The following SEMA4G variants were observed in gnomAD, a reference collection of about 807,000 sequenced individuals.
The protein encoded by SEMA4G is semaphorin 4G.
In SEMA4G, 59 loss-of-function variants were observed where a neutral mutation model predicts 81.2. That is an observed-to-expected ratio of 0.73 (90% CI 0.59 to 0.90). The LOEUF (loss-of-function observed/expected upper bound fraction) is 0.90, where lower values mean the gene tolerates loss of function less well. Among genes scored for constraint, SEMA4G ranks in the 40% least tolerant of loss-of-function variants. The pLI, the probability that SEMA4G is intolerant of heterozygous loss-of-function variation, is 0.00. For synonymous variants in SEMA4G, 404 were observed against 433.9 expected (o/e 0.93, Z 0.86); for missense variants, 952 against 1,102.3 (o/e 0.86, Z 1.93).
chr10:100,980,072 C>T (rs761696165), intron 9 of SEMA4G, 50 bp from the exon 11 acceptor site: 2 of 1,612,416 alleles, frequency 1.2e-6, no homozygotes, highest in South Asian at 1.1e-5. Context: ...GTGGAGAGGG[C>T]AGGCAGGTGG....
At chr10:100,984,883 C>T, downstream of SEMA4G, 4 of 1,475,798 alleles carry the variant, frequency 2.7e-6, no homozygotes, top group Non-Finnish European at 3.6e-6. Flanking sequence ...TGGTCATTCT[C>T]AAGAGTATGA....
intron 3 of SEMA4G, among the ~76,000 whole-genome samples, chr10:100,976,780 T>C (rs1241360850): frequency 6.6e-6 from 1 of 152,232 alleles, no homozygotes; most frequent in African/African-American, 2.4e-5. Flanking sequence ...AGACTCCCTG[T>C]TTATAACATA....
chr10:100,984,672 G>T (rs1164988814), exon 14 of SEMA4G: 1 of 1,536,226 alleles, frequency 6.5e-7, no homozygotes, highest in Non-Finnish European at 8.7e-7. Flanking sequence ...CCTTCTCCTG[G>T]TGCATTCTTG....
chr10:100,980,868 T>G (rs1367220882), exon 12 of SEMA4G: 1 of 1,608,118 alleles, frequency 6.2e-7, no homozygotes, highest in African/African-American at 1.3e-5. Flanking sequence ...CAGCTACCAC[T>G]CTCCAGCTGC....
At chr10:100,980,060 T>C in intron 9 of SEMA4G, 62 bp from the exon 11 acceptor site, 2 of 1,613,444 alleles carry the variant, frequency 1.2e-6, no homozygotes, top group South Asian at 1.1e-5. Context: ...GGGTCTGGCC[T>C]TGTGGAGAGG....
intron 3 of SEMA4G, among the ~76,000 whole-genome samples, chr10:100,974,567 C>G (rs538290913): frequency 1.1e-4 from 17 of 152,212 alleles, no homozygotes; most frequent in Non-Finnish European, 2.4e-4. Context: ...ATTGTTAAGT[C>G]AGCAACTATC....
At chr10:100,977,855 T>C (rs756827687) in intron 4 of SEMA4G, 125 bp downstream of exon 5, 2 of 793,598 alleles carry the variant, frequency 2.5e-6, no homozygotes, top group Non-Finnish European at 4.3e-6. Context: ...GGGACTTCCA[T>C]ACAGGGCACT....
At position 100,973,738 on chromosome 10, in the gene SEMA4G, TGTAA is replaced by T; in HGVS notation, c.336+133_336+136del. 1 of 826,874 alleles carries T rather than the reference TGTAA, an allele frequency of 1.2e-6. No homozygotes were observed. Among genetic ancestry groups the T allele is most frequent in the Non-Finnish European group, 1.9e-6 (1 of 524,058 alleles). 51.2% of individuals were successfully genotyped at this position (826,874 alleles called of 1,614,324 possible). The stretch of plus-strand genomic sequence containing the variant: ...CAATCTCAGCAACCACAGTAAACAT[TGTAA>T]GTATTGCCAGAGTGGCAAGCCATGG... On this transcript the variant is annotated intron_variant, in intron 3 of 13. Coordinates refer to ENST00000370250, the Ensembl canonical transcript of SEMA4G. This position sits in a 1 kb window ranked among gnomAD's most constrained non-coding sequence, Gnocchi z 5.5.
chr10:100,978,493 CAT>C (rs1372855146), intron 5 of SEMA4G, 32 bp from the exon 7 acceptor site: 2 of 1,603,422 alleles, frequency 1.2e-6, no homozygotes, highest in Non-Finnish European at 1.7e-6. Context: ...TTGAATATGA[CAT>C]GTCTCTCATG....
chr10:100,979,932 G>C (rs1850980546), exon 9 of SEMA4G: 1 of 1,614,016 alleles, frequency 6.2e-7, no homozygotes, highest in African/African-American at 1.3e-5. Flanking sequence ...TGGAATACCA[G>C]GATGGTTCCC....
chr10:100,977,646 C>G (rs1311071149), exon 4 of SEMA4G: 1 of 1,614,092 alleles, frequency 6.2e-7, no homozygotes, highest in Admixed American at 1.7e-5. Context: ...AGTGCTTTAA[C>G]CATGTGCGGT....
At position 100,979,036 on chromosome 10, in the gene SEMA4G, T is replaced by C; in HGVS notation, c.813+18T>C. On this transcript the variant is annotated intron_variant, in intron 7 of 13. Coordinates refer to ENST00000370250, the Ensembl canonical transcript of SEMA4G. The stretch of plus-strand genomic sequence containing the variant: ...TCTGCAAGGTGGATTGGGCTGACGT[T>C]GGGGCACGGGTATAGAGGCTGGACC... 1 of 1,613,592 alleles carries C rather than the reference T, an allele frequency of 6.2e-7. No homozygotes were observed. The highest frequency in any genetic ancestry group is 1.3e-5 in the African/African-American group (1 of 75,034).
chr10:100,976,044 G>A (rs1032934787), intron 3 of SEMA4G, among the ~76,000 whole-genome samples: 9 of 152,182 alleles, frequency 5.9e-5, no homozygotes, highest in Non-Finnish European at 1.2e-4. Flanking sequence ...CATCATTTGG[G>A]TCAGAGGAAG....
Position 100,973,269 on chromosome 10 carries a change from C to A in SEMA4G, c.265C>A (p.His89Asn). 1.9e-6 allele frequency: 3 copies of A among 1,612,982 alleles called. No individual in the cohort carries two copies. Among genetic ancestry groups the A allele is most frequent in the Non-Finnish European group, 2.5e-6 (3 of 1,180,022 alleles). The change falls in exon 2 of 14, where the codon CAC (histidine) becomes AAC (asparagine). Residue 89 changes from histidine (H) to asparagine (N), a missense_variant. His to Asn is a moderately conservative substitution (Grantham distance 68). Coordinates refer to ENST00000370250, the Ensembl canonical transcript of SEMA4G. This position sits in a 1 kb window ranked among gnomAD's most constrained non-coding sequence, Gnocchi z 5.5. ...TGCCAACGACATAGGAGATGGGGCT[C>A]ACAAAGAGGTCAGGCCCTGGAACCT...
exon 14 of SEMA4G, chr10:100,983,832 G>A: frequency 6.3e-7 from 1 of 1,598,658 alleles, no homozygotes; most frequent in Admixed American, 1.7e-5. Flanking sequence ...AGAGGAAGAT[G>A]AGGGTGATGA....
upstream of SEMA4G, among the ~76,000 whole-genome samples, chr10:100,970,133 A>C (rs1208025257): frequency 6.6e-6 from 1 of 152,108 alleles, no homozygotes; most frequent in Non-Finnish European, 1.5e-5. Context: ...TCTCCTCCCC[A>C]GTTCCCTCCA....
chr10:100,979,976 AG>A lies in SEMA4G; in HGVS notation c.1113del (p.Glu371AspfsTer31). On this transcript the variant is annotated frameshift_variant, in exon 9 of 14. Coordinates refer to ENST00000370250, the Ensembl canonical transcript of SEMA4G. LOFTEE classifies it high-confidence loss of function. ...GGTCGCTATGAGGGTGGGGTGCCTG[AG>A]CCCCGGCCTGGCTCGGTGAGTGCCC... The A allele has an allele frequency of 6.2e-7, 1 of 1,613,992 alleles. No homozygotes were observed. The highest frequency in any genetic ancestry group is 8.5e-7 in the Non-Finnish European group (1 of 1,179,998).
chr10:100,977,402 T>TG (rs1195839226), intron 3 of SEMA4G, among the ~76,000 whole-genome samples: 4 of 152,110 alleles, frequency 2.6e-5, no homozygotes, highest in Middle Eastern at 3.2e-3. Context: ...ATTGGCAGAA[T>TG]GGTGTCAGGT....
chr10:100,983,713 G>C, exon 14 of SEMA4G: 1 of 1,613,608 alleles, frequency 6.2e-7, no homozygotes, highest in Non-Finnish European at 8.5e-7. Flanking sequence ...TATGTGGCCT[G>C]TCTGCGGGAA....
Sources: gnomAD v4.1 joint callset for allele counts (sites outside exome capture counted in the v4.1 genomes callset) on GRCh38, gnomAD v4.1.1 for gene constraint, Gnocchi (gnomAD v3.1) non-coding constraint, MANE v1.5 for transcripts, NCBI Gene and HGNC (gene_info 2026-07-23, HGNC 2026-07-21) for gene names.